The following CRTAM variants were observed in gnomAD, a reference collection of about 807,000 sequenced individuals.
CRTAM encodes the protein cytotoxic and regulatory T-cell molecule.
In CRTAM, 44 loss-of-function variants were observed where a neutral mutation model predicts 50.0. That is an observed-to-expected ratio of 0.88 (90% CI 0.69 to 1.13). The LOEUF (loss-of-function observed/expected upper bound fraction) is 1.13. Among genes scored for constraint, CRTAM ranks in the 50% most tolerant of loss-of-function variants. The pLI is 0.00. For synonymous variants in CRTAM, 159 were observed against 169.3 expected, an observed-to-expected ratio of 0.94 and a Z score of 0.47; for missense variants, 448 against 457.5, an observed-to-expected ratio of 0.98 and a Z score of 0.19.
intron 7 of CRTAM, 71 bp downstream of exon 7, chr11:122,864,790 C>G: frequency 9.1e-7 from 1 of 1,102,294 alleles, no homozygotes; most frequent in Non-Finnish European, 1.4e-6. Flanking sequence ...ATTCAATGGC[C>G]TTTGTCAGTC....
intron 7 of CRTAM, among the ~76,000 whole-genome samples, chr11:122,865,823 C>T (rs1862164893): frequency 1.3e-5 from 2 of 152,140 alleles, no homozygotes; most frequent in Admixed American, 6.5e-5. Context: ...TGTATGTGTA[C>T]AAATATATCT....
At chr11:122,862,326 AAC>A (rs1472271560) in intron 5 of CRTAM, 136 bp from the exon 6 acceptor site, 1 of 642,344 alleles carries the variant, frequency 1.6e-6, no homozygotes, top group African/African-American at 1.8e-5. Context: ...GGAGCCACAG[AAC>A]ACACAGTTCT....
intron 7 of CRTAM, among the ~76,000 whole-genome samples, chr11:122,865,806 A>G (rs1039154102): frequency 6.6e-6 from 1 of 151,890 alleles, no homozygotes; most frequent in Admixed American, 6.6e-5. Context: ...GTTATCTATC[A>G]CTCCTATGTA....
At chr11:122,840,229 G>A (rs1055963767) in intron 1 of CRTAM, among the ~76,000 whole-genome samples, 2 of 152,150 alleles carry the variant, frequency 1.3e-5, no homozygotes, top group African/African-American at 4.8e-5. Flanking sequence ...TTCATGCACA[G>A]TGCTGAGTAC....
chr11:122,864,556 A>G, intron 6 of CRTAM, 80 bp from the exon 7 acceptor site: 1 of 952,812 alleles, frequency 1.0e-6, no homozygotes, highest in Non-Finnish European at 1.6e-6. Context: ...TGCTCTGGGA[A>G]GACTTACGTA....
At chr11:122,869,801 G>A (rs1353953096) in intron 9 of CRTAM, among the ~76,000 whole-genome samples, 1 of 152,172 alleles carries the variant, frequency 6.6e-6, no homozygotes. Context: ...GTACTAGCTG[G>A]GAAAGGAACA....
At chr11:122,863,323 A>G (rs12795778) in intron 6 of CRTAM, among the ~76,000 whole-genome samples, 3 of 63,620 alleles carry the variant, frequency 4.7e-5, no homozygotes, top group African/African-American at 1.8e-4. Flanking sequence ...AAGAAAGAAA[A>G]AGAAAGAAAG....
chr11:122,851,149 C>G (rs1861924521), intron 2 of CRTAM, among the ~76,000 whole-genome samples: 1 of 151,944 alleles, frequency 6.6e-6, no homozygotes, highest in African/African-American at 2.4e-5. Context: ...CCTGTAATCC[C>G]AGCTATTGGG....
Position 122,864,584 on chromosome 11 carries a change from T to A in CRTAM, c.734-52T>A. On this transcript the variant is annotated intron_variant, in intron 6 of 9. Coordinates refer to ENST00000227348, the MANE Select transcript of CRTAM (RefSeq NM_019604.4). ...CTTACGTAACTACAGTTGTATGTAG[T>A]CACATGTATATAATGCATGCATAGC... 2.3e-6 allele frequency: 3 copies of A among 1,282,740 alleles called. No homozygotes were observed. In the Admixed American group the frequency reaches 5.2e-5, roughly 22 times the overall value. The allele number at this position is 1,282,740 out of a possible 1,614,324, so 79.5% of individuals were successfully genotyped here. A position where few individuals can be genotyped will look rare whatever the true frequency, so the allele number is the denominator to read the frequency against.
chr11:122,847,229 C>T (rs952811314), intron 1 of CRTAM, among the ~76,000 whole-genome samples: 3 of 152,106 alleles, frequency 2.0e-5, no homozygotes, highest in African/African-American at 7.2e-5. Context: ...GCCAGGATTC[C>T]AACCCAGTCA....
intron 1 of CRTAM, among the ~76,000 whole-genome samples, chr11:122,840,420 C>CGT (rs59792353): frequency 0.029 from 4,282 of 150,048 alleles, 184 homozygotes; most frequent in African/African-American, 0.092. Flanking sequence ...TTCTAATTAA[C>CGT]GTGTGTGTGT....
intron 3 of CRTAM, 131 bp from the exon 4 acceptor site, chr11:122,853,812 T>TA (rs548412158): frequency 0.031 from 20,130 of 643,510 alleles, 2 homozygotes; most frequent in Non-Finnish European, 0.034. Flanking sequence ...AGACTAAGTC[T>TA]AAAAAAAAAA....
At chr11:122,858,066 C>A (rs1565290799) in intron 5 of CRTAM, among the ~76,000 whole-genome samples, 1 of 152,060 alleles carries the variant, frequency 6.6e-6, no homozygotes, top group African/African-American at 2.4e-5. Context: ...GCATGCACCA[C>A]TACATCTGGC....
chr11:122,843,764 C>T (rs549631723), intron 1 of CRTAM, among the ~76,000 whole-genome samples: 1 of 152,280 alleles, frequency 6.6e-6, no homozygotes, highest in South Asian at 2.1e-4. Flanking sequence ...AATGAGAAGA[C>T]CCTGGGGAAC....
At chr11:122,842,987 T>A (rs1861817619) in intron 1 of CRTAM, among the ~76,000 whole-genome samples, 1 of 152,162 alleles carries the variant, frequency 6.6e-6, no homozygotes, top group Non-Finnish European at 1.5e-5. Context: ...AAAACTAGGC[T>A]ATTAAGGCAA....
intron 5 of CRTAM, chr11:122,862,192 G>C (rs1341821377): frequency 2.2e-6 from 1 of 462,940 alleles, no homozygotes; most frequent in Non-Finnish European, 3.9e-6. Flanking sequence ...GAAGGACACA[G>C]ATAGAAACAG....
intron 6 of CRTAM, among the ~76,000 whole-genome samples, chr11:122,863,494 T>C (rs1326322243): frequency 6.6e-6 from 1 of 152,216 alleles, no homozygotes; most frequent in Non-Finnish European, 1.5e-5. Flanking sequence ...ATTTCATTTG[T>C]TGGAATAAGG....
intron 1 of CRTAM, among the ~76,000 whole-genome samples, chr11:122,847,531 TGAA>T (rs1281536650): frequency 6.6e-6 from 1 of 152,172 alleles, no homozygotes; most frequent in Non-Finnish European, 1.5e-5. Context: ...ACAAATTCTC[TGAA>T]GAAGATCTGG....
chr11:122,866,103 T>C (rs1334345445), intron 7 of CRTAM, among the ~76,000 whole-genome samples: 1 of 152,122 alleles, frequency 6.6e-6, no homozygotes, highest in Non-Finnish European at 1.5e-5. Context: ...AGAGCATGAG[T>C]CCCAAACACC....
Sources: gnomAD v4.1 joint callset for allele counts (sites outside exome capture counted in the v4.1 genomes callset) on GRCh38, gnomAD v4.1.1 for gene constraint, MANE v1.5 for transcripts, NCBI Gene and HGNC (gene_info 2026-07-23, HGNC 2026-07-21) for gene names.